Variants in TMPRSS11A observed in about 807,000 individuals in gnomAD.
The protein encoded by TMPRSS11A is transmembrane serine protease 11A.
Under a neutral mutation model 58.9 loss-of-function variants are expected in TMPRSS11A, and 53 were observed. The observed-to-expected ratio is 0.90, with a 90% CI of 0.72 to 1.13. The LOEUF is 1.13. Among genes scored for constraint, TMPRSS11A ranks in the 50% most tolerant of loss-of-function variants. The probability of loss-of-function intolerance (pLI) is 0.00; values close to 1 mark genes in which losing one functional copy is unlikely to be tolerated. For synonymous variants in TMPRSS11A, 167 were observed against 169.8 expected (o/e 0.98, Z 0.13); for missense variants, 493 against 499.3 (o/e 0.99, Z 0.12).
intron 6 of TMPRSS11A, among the ~76,000 whole-genome samples, chr4:67,923,797 C>T (rs1720393788): frequency 6.6e-6 from 1 of 152,168 alleles, no homozygotes; most frequent in Non-Finnish European, 1.5e-5. Context: ...TATGTCCTTC[C>T]TATTGATTAC....
At position 67,963,257 on chromosome 4, in the gene TMPRSS11A, A is replaced by T. The variant is rs532602936; in HGVS notation, c.11+126T>A. On this transcript the variant is annotated intron_variant, in intron 1 of 9. Coordinates refer to ENST00000508048, the MANE Select transcript of TMPRSS11A (RefSeq NM_001114387.2). ...GATGCTATGATAATTCCAGAAATTT[A>T]AAAAAATCCAGTGCAGATTGAATCC... 273 of 829,060 alleles carry T rather than the reference A, an allele frequency of 3.3e-4. No homozygotes were observed. In the Middle Eastern group the frequency reaches 4.5e-3, roughly 14 times the overall value. The allele number at this position is 829,060 out of a possible 1,614,324, so 51.4% of individuals were successfully genotyped here.
chr4:67,954,750 C>G (rs1721243463), intron 1 of TMPRSS11A, among the ~76,000 whole-genome samples: 1 of 152,134 alleles, frequency 6.6e-6, no homozygotes, highest in Non-Finnish European at 1.5e-5. Flanking sequence ...AAATCTGGAG[C>G]CAGACTGCTT....
chr4:67,916,554 C>T (rs1245336016), intron 8 of TMPRSS11A, among the ~76,000 whole-genome samples: 3 of 152,048 alleles, frequency 2.0e-5, no homozygotes, highest in African/African-American at 4.8e-5. Context: ...GCCTGGCGCG[C>T]GGTGGCTCAC....
At chr4:67,957,116 C>A (rs535089036) in intron 1 of TMPRSS11A, among the ~76,000 whole-genome samples, 2 of 152,282 alleles carry the variant, frequency 1.3e-5, no homozygotes, top group African/African-American at 2.4e-5. Context: ...GTCCATTAGA[C>A]CTCTTTCTTT....
intron 3 of TMPRSS11A, among the ~76,000 whole-genome samples, chr4:67,938,988 G>C (rs971158595): frequency 6.6e-6 from 1 of 151,852 alleles, no homozygotes; most frequent in African/African-American, 2.4e-5. Context: ...CATTGAATCT[G>C]TAGATTGCTC....
intron 3 of TMPRSS11A, among the ~76,000 whole-genome samples, chr4:67,942,693 G>T (rs554809132): frequency 4.7e-4 from 71 of 152,248 alleles, no homozygotes; most frequent in African/African-American, 1.7e-3. Flanking sequence ...GTCAAGTTAA[G>T]TATATGTACA....
chr4:67,947,672 G>T (rs1721058724), intron 1 of TMPRSS11A, among the ~76,000 whole-genome samples: 1 of 152,150 alleles, frequency 6.6e-6, no homozygotes, highest in Non-Finnish European at 1.5e-5. Flanking sequence ...CACAATTTTG[G>T]AGGAAAAAAT....
At chr4:67,933,257 G>A (rs1324688256) in intron 3 of TMPRSS11A, among the ~76,000 whole-genome samples, 1 of 152,050 alleles carries the variant, frequency 6.6e-6, no homozygotes, top group Non-Finnish European at 1.5e-5. Flanking sequence ...TGACAATTCT[G>A]CGAAGAAGTA....
At chr4:67,927,581 G>A (rs976369092) in intron 5 of TMPRSS11A, among the ~76,000 whole-genome samples, 91 of 152,204 alleles carry the variant, frequency 6.0e-4, no homozygotes, top group African/African-American at 1.8e-3. Context: ...GGCTGGTAGC[G>A]GAAGGTGGGC....
At chr4:67,957,964 G>A (rs1721327249) in intron 1 of TMPRSS11A, among the ~76,000 whole-genome samples, 1 of 152,170 alleles carries the variant, frequency 6.6e-6, no homozygotes, top group Non-Finnish European at 1.5e-5. Context: ...GGCTTCAGAA[G>A]ATGCAAGCCC....
intron 1 of TMPRSS11A, among the ~76,000 whole-genome samples, chr4:67,960,003 C>T (rs1431894516): frequency 6.6e-6 from 1 of 152,088 alleles, no homozygotes; most frequent in Non-Finnish European, 1.5e-5. Flanking sequence ...AAATGTATGT[C>T]CTTTGCAGCA....
chr4:67,944,708 C>T (rs1442987764), intron 2 of TMPRSS11A, 71 bp from the exon 3 acceptor site: 4 of 1,299,322 alleles, frequency 3.1e-6, no homozygotes, highest in Non-Finnish European at 4.3e-6. Context: ...TACAATGGGG[C>T]CAATATAAAT....
chr4:67,926,241 A>T (rs1303950266), intron 5 of TMPRSS11A, among the ~76,000 whole-genome samples: 16 of 151,766 alleles, frequency 1.1e-4, no homozygotes, highest in Non-Finnish European at 2.2e-4. Flanking sequence ...TTTTTTTGTC[A>T]AAACAAAATA....
At chr4:67,954,035 G>A (rs1316562351) in intron 1 of TMPRSS11A, among the ~76,000 whole-genome samples, 1 of 152,072 alleles carries the variant, frequency 6.6e-6, no homozygotes, top group Non-Finnish European at 1.5e-5. Context: ...CAGACCAAAG[G>A]CAATTCTCTG....
At chr4:67,929,560 G>A (rs1720557649) in intron 5 of TMPRSS11A, among the ~76,000 whole-genome samples, 1 of 152,148 alleles carries the variant, frequency 6.6e-6, no homozygotes, top group East Asian at 1.9e-4. Context: ...AACAATTATT[G>A]CTAAACCCCT....
At chr4:67,916,598 A>AG (rs1336142409) in intron 8 of TMPRSS11A, among the ~76,000 whole-genome samples, 1 of 152,080 alleles carries the variant, frequency 6.6e-6, no homozygotes, top group Non-Finnish European at 1.5e-5. Context: ...AGGCCGAGGC[A>AG]GGTGGATCAC....
chr4:67,946,863 A>C (rs571743470), intron 1 of TMPRSS11A, among the ~76,000 whole-genome samples: 27 of 152,166 alleles, frequency 1.8e-4, no homozygotes, highest in Non-Finnish European at 3.5e-4. Context: ...ATGCTTGAAA[A>C]GGGACCATTC....
Position 67,911,280 on chromosome 4 carries a change from A to G in TMPRSS11A, c.*62T>C. 2.0e-6 allele frequency: 3 copies of G among 1,470,470 alleles called. No individual in the cohort carries two copies. Among genetic ancestry groups the G allele is most frequent in the Non-Finnish European group, 2.8e-6 (3 of 1,066,952 alleles). The allele number at this position is 1,470,470 out of a possible 1,614,324, so 91.1% of individuals were successfully genotyped here. On this transcript the variant is annotated 3_prime_UTR_variant, in exon 10 of 10. Transcript: ENST00000508048. ...CTTTGTTGTACTACACCCACTAAAT[A>G]GTTGAATTCTCATGCATATATGACC...
chr4:67,918,187 A>C (rs1436553236), intron 8 of TMPRSS11A, among the ~76,000 whole-genome samples: 1 of 152,222 alleles, frequency 6.6e-6, no homozygotes, highest in Non-Finnish European at 1.5e-5. Flanking sequence ...GCATTTTCTC[A>C]AGCCCAGTGT....
Sources: allele counts gnomAD v4.1 joint callset (sites outside exome capture counted in the v4.1 genomes callset), GRCh38; gene constraint gnomAD v4.1.1; transcripts MANE v1.5; gene names NCBI Gene and HGNC (gene_info 2026-07-23, HGNC 2026-07-21).